The following TDRD9 variants were observed in gnomAD, a reference collection of about 807,000 sequenced individuals.
The protein encoded by TDRD9 is ATP-dependent RNA helicase TDRD9.
A neutral mutation model predicts 172.6 loss-of-function variants in TDRD9; 124 were observed. The ratio of observed to expected loss-of-function variants is 0.72; its 90% CI spans 0.62 to 0.83. The LOEUF (loss-of-function observed/expected upper bound fraction) is 0.83, where lower values mean the gene tolerates loss of function less well. Among genes scored for constraint, TDRD9 ranks in the 40% least tolerant of loss-of-function variants. The pLI, the probability that TDRD9 is intolerant of heterozygous loss-of-function variation, is 0.00. For missense variants in TDRD9, 1,479 were observed against 1,714.1 expected, an observed-to-expected ratio of 0.86 and a Z score of 2.42; for synonymous variants, 619 against 617.1, an observed-to-expected ratio of 1.00 and a Z score of -0.05.
chr14:103,949,323 C>G (rs1421921560), intron 1 of TDRD9, among the ~76,000 whole-genome samples: 1 of 152,162 alleles, frequency 6.6e-6, no homozygotes, highest in Non-Finnish European at 1.5e-5. Context: ...CTATGAAAAT[C>G]CATGAAGCAG....
At chr14:104,007,414 G>A (rs1248132871) in intron 19 of TDRD9, among the ~76,000 whole-genome samples, 1 of 152,154 alleles carries the variant, frequency 6.6e-6, no homozygotes, top group Non-Finnish European at 1.5e-5. Flanking sequence ...TCGGGAGGCC[G>A]CTTGCTCTCA....
At chr14:103,942,894 CAGCT>C (rs964285708) in intron 1 of TDRD9, among the ~76,000 whole-genome samples, 1 of 152,080 alleles carries the variant, frequency 6.6e-6, no homozygotes, top group African/African-American at 2.4e-5. Context: ...ACATAATAAA[CAGCT>C]AGATAACTTT....
In TDRD9 at chr14:104,016,096, C is replaced by G; in HGVS notation, c.2331+8C>G. 1 of 1,584,282 alleles carries G rather than the reference C, an allele frequency of 6.3e-7. No homozygotes were observed. Among genetic ancestry groups the G allele is most frequent in the African/African-American group, 1.3e-5 (1 of 74,476 alleles). On this transcript the variant is annotated splice_region_variant and intron_variant, in intron 22 of 35. Transcript: ENST00000409874. ...CCCAAGACAACTGTCGTGGTAGGTG[C>G]TGGGGGCAGGCCGTCCTCTCTGGGG...
intron 1 of TDRD9, among the ~76,000 whole-genome samples, chr14:103,946,440 A>G (rs1416820531): frequency 6.6e-6 from 1 of 152,240 alleles, no homozygotes; most frequent in Non-Finnish European, 1.5e-5. Context: ...GCCCACAGCT[A>G]ACATCATACT....
At chr14:103,961,259 C>T (rs1442075568) in intron 2 of TDRD9, among the ~76,000 whole-genome samples, 7 of 152,132 alleles carry the variant, frequency 4.6e-5, no homozygotes, top group Non-Finnish European at 1.0e-4. Context: ...GTAAACTTGG[C>T]AATCACTAGT....
intron 13 of TDRD9, among the ~76,000 whole-genome samples, chr14:104,000,542 C>A (rs1296079403): frequency 6.6e-6 from 1 of 151,948 alleles, no homozygotes; most frequent in Admixed American, 6.6e-5. Context: ...CCCAGCACTT[C>A]GGGAGGCTGA....
chr14:103,958,342 C>G (rs1471408324), intron 2 of TDRD9, among the ~76,000 whole-genome samples: 1 of 152,002 alleles, frequency 6.6e-6, no homozygotes, highest in Non-Finnish European at 1.5e-5. Context: ...TGGGAGGAAG[C>G]CTGGTATTCC....
intron 32 of TDRD9, among the ~76,000 whole-genome samples, chr14:104,038,511 G>T (rs2035518754): frequency 6.6e-6 from 1 of 152,188 alleles, no homozygotes; most frequent in Admixed American, 6.5e-5. Context: ...TTGGAGGCTG[G>T]TGGGTGTCCA....
At position 104,026,873 on chromosome 14, in the gene TDRD9, C is replaced by T. The variant is rs150154468; in HGVS notation, c.3216C>T (p.Ile1072=). ...AGTACTCAGGGGTCCAGGATGCCAT[C>T]AACATAAGAGACGTCCTCATCCAGC... ...VYQYSGVQDA[I]NIRDVLIQQG... Residue 1072 remains isoleucine, a synonymous_variant, in exon 28 of 36, where the codon ATC becomes ATT. Transcript: ENST00000409874. The T allele has an allele frequency of 1.6e-5, 26 of 1,614,000 alleles. No individual in the cohort carries two copies. The African/African-American group carries it at 2.8e-4, about 17-fold the overall frequency.
chr14:103,992,650 G>A (rs1452148044), intron 9 of TDRD9, among the ~76,000 whole-genome samples: 1 of 152,080 alleles, frequency 6.6e-6, no homozygotes, highest in Admixed American at 6.5e-5. Flanking sequence ...ACGGACGGGC[G>A]TGGGGGCTCA....
chr14:104,024,794 C>A (rs2035066088), intron 25 of TDRD9, 114 bp downstream of exon 25: 1 of 467,538 alleles, frequency 2.1e-6, no homozygotes. Context: ...ACACACAGAA[C>A]TTGTGCACCT....
chr14:103,971,121 C>G (rs1347901590), intron 6 of TDRD9, among the ~76,000 whole-genome samples: 3 of 151,658 alleles, frequency 2.0e-5, no homozygotes, highest in Non-Finnish European at 4.4e-5. Flanking sequence ...GTAGCTGGGA[C>G]TACAGGCACC....
chr14:103,970,592 C>G lies in TDRD9; in HGVS notation c.817C>G (p.Leu273Val). ...TTTCCTGCTATTGGTAGTCCGCAAA[C>G]TCTTAAGAACAAATTCACGTTTTGT... Reference protein sequence around the residue: ...MDFLLLVVRKLLRTNSRFVKV... With the variant: ...MDFLLLVVRKVLRTNSRFVKV... The change falls in exon 6 of 36, where the codon CTC (leucine) becomes GTC (valine). Residue 273 changes from leucine to valine, a missense_variant. By Grantham distance (32) the Leu-to-Val change is conservative (BLOSUM62 1). Transcript: ENST00000409874. 6.4e-7 allele frequency: 1 copy of G among 1,551,554 alleles called. No individual in the cohort carries two copies. The highest frequency in any genetic ancestry group is 8.7e-7 in the Non-Finnish European group (1 of 1,146,818).
In TDRD9 at chr14:103,928,575, T is replaced by C; in HGVS notation, c.66T>C (p.Asn22=). ...TCACCATCGGCAAGACGGTGACCAA[T>C]GTGGAGCTGCTGGGCGCGCCGCCCG... ...DWFTIGKTVT[N]VELLGAPPAF... Residue 22 remains asparagine, a synonymous_variant, in exon 1 of 36, where the codon AAT becomes AAC. Transcript: ENST00000409874. 7.3e-7 allele frequency: 1 copy of C among 1,376,072 alleles called. No homozygotes were observed. Among genetic ancestry groups the C allele is most frequent in the Non-Finnish European group, 9.5e-7 (1 of 1,047,208 alleles). 85.2% of individuals were successfully genotyped at this position (1,376,072 alleles called of 1,614,324 possible). A position where few individuals can be genotyped will look rare whatever the true frequency, so the allele number is the denominator to read the frequency against.
At chr14:103,968,193 T>C (rs534194967) in intron 5 of TDRD9, among the ~76,000 whole-genome samples, 2 of 152,364 alleles carry the variant, frequency 1.3e-5, no homozygotes, top group African/African-American at 4.8e-5. Flanking sequence ...AGTTAGCTCC[T>C]CTCTTCGAGA....
intron 8 of TDRD9, among the ~76,000 whole-genome samples, chr14:103,990,648 G>A (rs1566764316): frequency 6.6e-6 from 1 of 152,216 alleles, no homozygotes; most frequent in Non-Finnish European, 1.5e-5. Context: ...TTGTCTTCTT[G>A]TTACTGCTGT....
chr14:103,961,844 C>T (rs2032526973), intron 2 of TDRD9, among the ~76,000 whole-genome samples: 1 of 151,960 alleles, frequency 6.6e-6, no homozygotes, highest in South Asian at 2.1e-4. Context: ...TGTAGGAAAA[C>T]AAGAGAGAAG....
chr14:103,958,902 T>G (rs979138043), intron 2 of TDRD9, among the ~76,000 whole-genome samples: 2 of 152,218 alleles, frequency 1.3e-5, no homozygotes, highest in African/African-American at 4.8e-5. Context: ...TAGGCAAGAC[T>G]AGTAATAGGG....
At chr14:104,047,454 A>G (rs963323657) in intron 34 of TDRD9, among the ~76,000 whole-genome samples, 7 of 151,994 alleles carry the variant, frequency 4.6e-5, no homozygotes, top group African/African-American at 9.7e-5. Context: ...TTTAAGGCCT[A>G]TTTTGTCTGA....
Sources: allele counts gnomAD v4.1 joint callset (sites outside exome capture counted in the v4.1 genomes callset), GRCh38; gene constraint gnomAD v4.1.1; transcripts MANE v1.5; gene names NCBI Gene and HGNC (gene_info 2026-07-23, HGNC 2026-07-21).